The following OSTN variants were observed in gnomAD, a reference collection of about 807,000 sequenced individuals.
OSTN encodes the protein osteocrin.
OSTN carries 9 observed loss-of-function variants against 12.0 expected under a neutral mutation model. That is an observed-to-expected ratio of 0.75 (90% CI 0.45 to 1.30). The LOEUF (loss-of-function observed/expected upper bound fraction) is 1.30. Among genes scored for constraint, OSTN ranks in the 50% most tolerant of loss-of-function variants. OSTN has a pLI of 0.00. For missense variants in OSTN, 148 were observed against 152.3 expected (o/e 0.97, Z 0.15); for synonymous variants, 59 against 56.9 (o/e 1.04, Z -0.16).
At chr3:191,261,121 G>A (rs982666398) in intron 4 of OSTN, among the ~76,000 whole-genome samples, 1 of 152,156 alleles carries the variant, frequency 6.6e-6, no homozygotes, top group African/African-American at 2.4e-5. Context: ...ACTTCCAGCG[G>A]GGTGAAATTT....
chr3:191,226,841 A>G (rs1714923533), intron 3 of OSTN, among the ~76,000 whole-genome samples: 1 of 152,168 alleles, frequency 6.6e-6, no homozygotes, highest in Non-Finnish European at 1.5e-5. Flanking sequence ...ATTCATTCTC[A>G]AACTATACAT....
At chr3:191,257,235 C>A (rs1166006963) in intron 4 of OSTN, among the ~76,000 whole-genome samples, 1 of 149,404 alleles carries the variant, frequency 6.7e-6, no homozygotes, top group African/African-American at 2.5e-5. Flanking sequence ...AATTTACATG[C>A]CTTTTTATAA....
intron 3 of OSTN, among the ~76,000 whole-genome samples, chr3:191,223,732 A>C (rs1235261191): frequency 6.6e-6 from 1 of 152,074 alleles, no homozygotes; most frequent in Admixed American, 6.5e-5. Flanking sequence ...TAAGAATAAA[A>C]ACTAAAATTT....
At chr3:191,217,484 T>TA (rs1490290605) in intron 2 of OSTN, among the ~76,000 whole-genome samples, 2 of 152,100 alleles carry the variant, frequency 1.3e-5, no homozygotes, top group Non-Finnish European at 2.9e-5. Context: ...TCCCCAGAGC[T>TA]AAAAAATTTT....
At chr3:191,260,242 A>C (rs2108557698) in intron 4 of OSTN, among the ~76,000 whole-genome samples, 1 of 152,106 alleles carries the variant, frequency 6.6e-6, no homozygotes, top group African/African-American at 2.4e-5. Flanking sequence ...GTCTAACTTA[A>C]AGGATCCGTC....
At chr3:191,235,642 C>T (rs1009422642) in intron 3 of OSTN, among the ~76,000 whole-genome samples, 3 of 152,176 alleles carry the variant, frequency 2.0e-5, no homozygotes, top group African/African-American at 7.2e-5. Context: ...ATCTGCTATG[C>T]CCCTCATCCT....
At chr3:191,261,681 C>A (rs894193569) in intron 4 of OSTN, among the ~76,000 whole-genome samples, 1 of 152,146 alleles carries the variant, frequency 6.6e-6, no homozygotes, top group Non-Finnish European at 1.5e-5. Flanking sequence ...AGTTACCAGA[C>A]CAAACACTAA....
chr3:191,221,409 G>C (rs1714760156), intron 3 of OSTN, among the ~76,000 whole-genome samples: 1 of 152,186 alleles, frequency 6.6e-6, no homozygotes, highest in Non-Finnish European at 1.5e-5. Flanking sequence ...ATATGGGAAA[G>C]TTTGGAACTT....
At chr3:191,242,503 A>AT (rs777942052) in intron 3 of OSTN, among the ~76,000 whole-genome samples, 2 of 152,296 alleles carry the variant, frequency 1.3e-5, no homozygotes, top group South Asian at 2.1e-4. Context: ...ATGAATATAG[A>AT]TTTTTTTAAA....
chr3:191,220,044 C>G (rs1714724133), intron 3 of OSTN, among the ~76,000 whole-genome samples: 2 of 152,180 alleles, frequency 1.3e-5, no homozygotes, highest in Admixed American at 1.3e-4. Flanking sequence ...AACTCCTTTG[C>G]AAGAGCTACA....
intron 2 of OSTN, among the ~76,000 whole-genome samples, chr3:191,215,968 C>T (rs1234283719): frequency 3.3e-5 from 5 of 152,216 alleles, no homozygotes; most frequent in Admixed American, 3.3e-4. Flanking sequence ...GCTCCGACCC[C>T]ACATTTCTCT....
At chr3:191,240,040 C>G (rs1715284953) in intron 3 of OSTN, among the ~76,000 whole-genome samples, 1 of 152,334 alleles carries the variant, frequency 6.6e-6, no homozygotes, top group East Asian at 1.9e-4. Context: ...GTTTACTATA[C>G]ATTGATCACT....
rs1715896406 is a variant in OSTN, at chr3:191,265,225, A to G, written c.*2372A>G. 6.6e-6 allele frequency: 1 copy of G among 152,266 alleles called. No homozygotes were observed. Among genetic ancestry groups the G allele is most frequent in the Non-Finnish European group, 1.5e-5 (1 of 67,994 alleles). 9.4% of individuals were successfully genotyped at this position (152,266 alleles called of 1,614,324 possible). ...TCCAACTATATTTCAACTTGAAGGG[A>G]CTTTTTTGTTTTGTTTCAAAATAAT... On this transcript the variant is annotated 3_prime_UTR_variant, in exon 5 of 5. Coordinates refer to ENST00000682035, the MANE Select transcript of OSTN (RefSeq NM_198184.2).
chr3:191,225,781 C>T (rs1313317877), intron 3 of OSTN, among the ~76,000 whole-genome samples: 1 of 151,712 alleles, frequency 6.6e-6, no homozygotes, highest in Non-Finnish European at 1.5e-5. Context: ...CAGTGGGTAC[C>T]CATGGGCATA....
Position 191,263,089 on chromosome 3 carries a change from G to T in OSTN, c.*236G>T. 1 of 471,946 alleles carries T rather than the reference G, an allele frequency of 2.1e-6. No homozygotes were observed. The allele number at this position is 471,946 out of a possible 1,614,324, so 29.2% of individuals were successfully genotyped here. A position where few individuals can be genotyped will look rare whatever the true frequency, so the allele number is the denominator to read the frequency against. On this transcript the variant is annotated 3_prime_UTR_variant, in exon 5 of 5. Transcript: ENST00000682035. ...AAAATTATATATTTTAATTATTCAA[G>T]AATGGTTAACTTCCCCTTAAACCTT... is the stretch of plus-strand genomic sequence containing the variant.
Position 191,239,093 on chromosome 3 carries a change from C to T in OSTN, c.318-10944C>T, listed in dbSNP as rs113297748. 6.1e-4 allele frequency among the ~76,000 whole-genome samples: 93 copies of T among 152,182 alleles called. 2 individuals are homozygous for T. The highest frequency in any genetic ancestry group is 2.1e-3 in the African/African-American group (88 of 41,522). On this transcript the variant is annotated intron_variant, in intron 3 of 4. Coordinates refer to ENST00000682035, the MANE Select transcript of OSTN (RefSeq NM_198184.2). ...CTGGTGAGGGTGTCCAGGTTCTCGGCGTCTTGAACAAAGAATTAAACAAAA... is the reference window on the plus strand; with the variant it reads ...CTGGTGAGGGTGTCCAGGTTCTCGGTGTCTTGAACAAAGAATTAAACAAAA...
chr3:191,225,561 T>C (rs1325644064), intron 3 of OSTN, among the ~76,000 whole-genome samples: 1 of 152,036 alleles, frequency 6.6e-6, no homozygotes, highest in African/African-American at 2.4e-5. Context: ...AATAGTAAAG[T>C]CATGGAATCA....
chr3:191,227,629 A>G (rs953357760), intron 3 of OSTN, among the ~76,000 whole-genome samples: 17 of 152,196 alleles, frequency 1.1e-4, no homozygotes, highest in Non-Finnish European at 2.5e-4. Context: ...GACACCTGTG[A>G]TAACAAAGAA....
At chr3:191,252,733 A>G (rs570285623) in intron 4 of OSTN, among the ~76,000 whole-genome samples, 1 of 152,338 alleles carries the variant, frequency 6.6e-6, no homozygotes, top group East Asian at 1.9e-4. Flanking sequence ...CATGTTATGT[A>G]GTTTATGAAT....
Sources: allele counts gnomAD v4.1 joint callset (sites outside exome capture counted in the v4.1 genomes callset), GRCh38; gene constraint gnomAD v4.1.1; transcripts MANE v1.5; gene names NCBI Gene and HGNC (gene_info 2026-07-23, HGNC 2026-07-21).